RAD51B: variants seen among roughly 807,000 people sequenced by gnomAD.
The protein encoded by RAD51B is RAD51 paralog B, also known as DNA repair protein RAD51 homolog 2.
A neutral mutation model predicts 42.2 loss-of-function variants in RAD51B; 38 were observed. The observed-to-expected ratio is 0.90, with a 90% CI of 0.70 to 1.18. The LOEUF (loss-of-function observed/expected upper bound fraction) is 1.18. RAD51B is among the 50% of genes most tolerant of loss of function. The pLI is 0.00. For synonymous variants in RAD51B, 154 were observed against 145.2 expected, an observed-to-expected ratio of 1.06 and a Z score of -0.43; for missense variants, 373 against 400.7, an observed-to-expected ratio of 0.93 and a Z score of 0.59.
chr14:68,523,081 G>T (rs28376176), intron 10 of RAD51B, among the ~76,000 whole-genome samples: 3,515 of 152,250 alleles, frequency 0.023, 134 homozygotes, highest in African/African-American at 0.079. Flanking sequence ...TTTTGTTTTG[G>T]TGTACATATT....
intron 7 of RAD51B, among the ~76,000 whole-genome samples, chr14:67,925,373 A>G (rs928962334): frequency 2.1e-4 from 32 of 151,998 alleles, no homozygotes; most frequent in African/African-American, 7.2e-4. Flanking sequence ...CCTGAGTTCA[A>G]GCAATTCTCC....
chr14:67,970,400 G>GT (rs1431929524), intron 7 of RAD51B, among the ~76,000 whole-genome samples: 1 of 152,052 alleles, frequency 6.6e-6, no homozygotes, highest in East Asian at 1.9e-4. Flanking sequence ...CAAAGGTTTT[G>GT]TAAGTTGTAG....
intron 7 of RAD51B, among the ~76,000 whole-genome samples, chr14:68,183,323 G>A (rs2079090896): frequency 6.6e-6 from 1 of 151,476 alleles, no homozygotes; most frequent in Non-Finnish European, 1.5e-5. Flanking sequence ...GGAATTTGGA[G>A]TCTGATGTTC....
chr14:68,510,066 C>T (rs1028466214), intron 10 of RAD51B, among the ~76,000 whole-genome samples: 1 of 152,154 alleles, frequency 6.6e-6, no homozygotes, highest in African/African-American at 2.4e-5. Context: ...TAGCCCCACT[C>T]CCCCAGCTTT....
intron 10 of RAD51B, among the ~76,000 whole-genome samples, chr14:68,643,452 A>G (rs1028810715): frequency 6.6e-6 from 1 of 152,160 alleles, no homozygotes; most frequent in African/African-American, 2.4e-5. Flanking sequence ...TTGTTTCTTG[A>G]TCCACTCAGT....
At chr14:68,244,387 A>G (rs569733908) in intron 7 of RAD51B, among the ~76,000 whole-genome samples, 38 of 152,332 alleles carry the variant, frequency 2.5e-4, no homozygotes, top group African/African-American at 7.2e-4. Flanking sequence ...AAAGATCTGT[A>G]GGGCAGGACT....
At chr14:68,432,742 C>T (rs1423903668) in intron 9 of RAD51B, among the ~76,000 whole-genome samples, 1 of 152,136 alleles carries the variant, frequency 6.6e-6, no homozygotes, top group Non-Finnish European at 1.5e-5. Context: ...GAGCATTTAG[C>T]CCATTTACAT....
chr14:67,874,211 T>G (rs2042648690), intron 5 of RAD51B, among the ~76,000 whole-genome samples: 1 of 152,194 alleles, frequency 6.6e-6, no homozygotes, highest in Non-Finnish European at 1.5e-5. Flanking sequence ...CACTAACCAA[T>G]TTATTTTACA....
At chr14:67,974,585 G>A (rs1277290679) in intron 7 of RAD51B, among the ~76,000 whole-genome samples, 3 of 151,984 alleles carry the variant, frequency 2.0e-5, no homozygotes, top group Non-Finnish European at 4.4e-5. Context: ...GGAGGGTATA[G>A]GCCTAAAGTT....
intron 7 of RAD51B, among the ~76,000 whole-genome samples, chr14:68,282,905 A>G (rs1244393186): frequency 1.3e-5 from 2 of 152,178 alleles, no homozygotes; most frequent in African/African-American, 4.8e-5. Flanking sequence ...GGGGGACCCG[A>G]GACTCCTCTG....
intron 7 of RAD51B, among the ~76,000 whole-genome samples, chr14:68,120,931 T>TAAAAAAAAAA (rs2077640204): frequency 6.6e-6 from 1 of 152,188 alleles, no homozygotes; most frequent in Non-Finnish European, 1.5e-5. Context: ...GAACCATGCT[T>TAAAAAAAAAA]AAAAAGACAT....
At chr14:68,566,700 TTC>T (rs1287786773) in intron 10 of RAD51B, among the ~76,000 whole-genome samples, 1 of 152,120 alleles carries the variant, frequency 6.6e-6, no homozygotes, top group African/African-American at 2.4e-5. Flanking sequence ...TGGATTGCTT[TTC>T]TCTCTGAAGT....
At chr14:68,677,840 C>T (rs928851793) in intron 11 of RAD51B, among the ~76,000 whole-genome samples, 8 of 152,136 alleles carry the variant, frequency 5.3e-5, no homozygotes, top group African/African-American at 1.7e-4. Context: ...TGCAGGGCCC[C>T]ATTGCAGGCT....
At chr14:68,650,173 C>G (rs532332532) in intron 10 of RAD51B, among the ~76,000 whole-genome samples, 1 of 152,236 alleles carries the variant, frequency 6.6e-6, no homozygotes. Context: ...ATGCTAAAAA[C>G]TACCCAAGGA....
intron 7 of RAD51B, among the ~76,000 whole-genome samples, chr14:68,220,817 G>A (rs2079910654): frequency 6.6e-6 from 1 of 152,152 alleles, no homozygotes; most frequent in Non-Finnish European, 1.5e-5. Flanking sequence ...ACCAACAGCA[G>A]CCAAGCTGAG....
intron 7 of RAD51B, among the ~76,000 whole-genome samples, chr14:68,190,154 A>T (rs2079235635): frequency 6.6e-6 from 1 of 151,768 alleles, no homozygotes; most frequent in Admixed American, 6.6e-5. Context: ...AGATGTAGAA[A>T]ACTTGCTCGG....
intron 7 of RAD51B, among the ~76,000 whole-genome samples, chr14:67,987,947 A>C (rs571042830): frequency 1.4e-4 from 21 of 152,302 alleles, no homozygotes; most frequent in African/African-American, 4.3e-4. Flanking sequence ...GAGTGATTTT[A>C]TTCTTGGTTC....
intron 7 of RAD51B, among the ~76,000 whole-genome samples, chr14:68,165,134 A>G (rs1164433785): frequency 6.6e-6 from 1 of 152,196 alleles, no homozygotes; most frequent in Non-Finnish European, 1.5e-5. Flanking sequence ...TATTTTCAAT[A>G]ATCTTTATGG....
At chr14:68,005,745 T>C (rs1286371765) in intron 7 of RAD51B, among the ~76,000 whole-genome samples, 1 of 152,198 alleles carries the variant, frequency 6.6e-6, no homozygotes. Flanking sequence ...AGTGATGTAT[T>C]GCTTCTCGAC....
Sources: allele counts gnomAD v4.1 joint callset (sites outside exome capture counted in the v4.1 genomes callset), GRCh38; gene constraint gnomAD v4.1.1; transcripts MANE v1.5; gene names NCBI Gene and HGNC (gene_info 2026-07-23, HGNC 2026-07-21).